Variants in MRPS27 observed in about 807,000 individuals in gnomAD.
MRPS27 encodes small ribosomal subunit protein mS27.
In MRPS27, 43 loss-of-function variants were observed where a neutral mutation model predicts 48.9. The ratio of observed to expected loss-of-function variants is 0.88; its 90% CI spans 0.69 to 1.13. MRPS27 has a LOEUF of 1.13. Among genes scored for constraint, MRPS27 ranks in the 50% most tolerant of loss-of-function variants. MRPS27 has a pLI of 0.00. For synonymous variants in MRPS27, 188 were observed against 171.9 expected (o/e 1.09, Z -0.73); for missense variants, 467 against 476.3 (o/e 0.98, Z 0.18).
At chr5:72,297,430 G>A (rs1352374229) in intron 3 of MRPS27, among the ~76,000 whole-genome samples, 1 of 152,116 alleles carries the variant, frequency 6.6e-6, no homozygotes, top group African/African-American at 2.4e-5. Context: ...TCAGAATCTG[G>A]TAAATGTATT....
chr5:72,281,349 T>A (rs1343777459), intron 4 of MRPS27, among the ~76,000 whole-genome samples: 1 of 152,210 alleles, frequency 6.6e-6, no homozygotes, highest in Non-Finnish European at 1.5e-5. Context: ...AGGAAATGGA[T>A]GGCACATTCG....
rs1332243055 is a variant in MRPS27, at chr5:72,223,807, T to G, written c.881A>C (p.Asp294Ala). The G allele has an allele frequency of 1.2e-6, 2 of 1,613,982 alleles. No individual in the cohort carries two copies. Among genetic ancestry groups the G allele is most frequent in the South Asian group, 2.2e-5 (2 of 91,080 alleles). ...GAVLKALTSA[D>A]GASEEQSQND... ...TTGGGACTGCTCCTCTGAAGCCCCA[T>G]CAGCTGAAGTCAGAGCCTTCAGCAC... The change falls in exon 10 of 11, where the codon GAT (aspartate) becomes GCT (alanine). Residue 294 changes from aspartate to alanine, a missense_variant. Coordinates refer to ENST00000261413, the MANE Select transcript of MRPS27 (RefSeq NM_015084.3).
rs138724650 is a variant in MRPS27, at chr5:72,240,795, A to G, written c.282-2667T>C. Among the ~76,000 whole-genome samples, 375 of 152,346 alleles carry G rather than the reference A, an allele frequency of 2.5e-3. 1 individual carries two copies. Among genetic ancestry groups the G allele is most frequent in the African/African-American group, 8.7e-3 (361 of 41,586 alleles). On this transcript the variant is annotated intron_variant, in intron 4 of 10. Coordinates refer to ENST00000261413, the MANE Select transcript of MRPS27 (RefSeq NM_015084.3). ...AAGAGCAAGAAAGTCTTTTCTTCTC[A>G]AAAACCCTTCCTTCACAGACTTTCT...
chr5:72,291,852 T>G (rs1749828087), intron 4 of MRPS27, among the ~76,000 whole-genome samples: 1 of 152,184 alleles, frequency 6.6e-6, no homozygotes, highest in African/African-American at 2.4e-5. Flanking sequence ...AGCCACGCCC[T>G]AGAGGGCCTA....
intron 4 of MRPS27, among the ~76,000 whole-genome samples, chr5:72,284,114 T>C (rs530590309): frequency 2.6e-4 from 39 of 152,206 alleles, no homozygotes; most frequent in African/African-American, 9.4e-4. Context: ...GAGGATCTTT[T>C]AAAAAATATT....
At chr5:72,228,567 C>T in intron 7 of MRPS27, 199 bp from the exon 8 acceptor site, 1 of 413,900 alleles carries the variant, frequency 2.4e-6, no homozygotes, top group Non-Finnish European at 4.2e-6. Flanking sequence ...AAGAAATACC[C>T]TATATGTTAA....
intron 9 of MRPS27, among the ~76,000 whole-genome samples, chr5:72,224,612 A>G (rs937549908): frequency 1.3e-5 from 2 of 152,210 alleles, no homozygotes; most frequent in Non-Finnish European, 2.9e-5. Flanking sequence ...CTCTGGATAC[A>G]GGCAAGGGTC....
At chr5:72,278,213 C>T (rs549380766) in intron 4 of MRPS27, among the ~76,000 whole-genome samples, 12 of 152,134 alleles carry the variant, frequency 7.9e-5, no homozygotes, top group East Asian at 7.8e-4. Context: ...GAGGCCGAGG[C>T]GGGCGGATCA....
Position 72,238,026 on chromosome 5 carries a change from G to A in MRPS27, c.384C>T (p.Thr128=), listed in dbSNP as rs11557158. 6 of 1,610,104 alleles carry A rather than the reference G, an allele frequency of 3.7e-6. No homozygotes were observed. In the South Asian group the frequency reaches 6.6e-5, roughly 18 times the overall value. The change falls in exon 5 of 11, where the codon ACC becomes ACT. Residue 128 remains threonine (T), a synonymous_variant. Transcript: ENST00000261413. Reference sequence around the variant, plus strand: ...CGGAACAACTCACCTTATTTACAAGGGTATATAGGGCTTTGTCTTGTGCAT... The same window carrying A: ...CGGAACAACTCACCTTATTTACAAGAGTATATAGGGCTTTGTCTTGTGCAT... ...KYDAQDKALY[T]LVNKVQYGIF... is the part of the protein sequence containing the mutation.
At chr5:72,238,799 T>C (rs1455021355) in intron 4 of MRPS27, among the ~76,000 whole-genome samples, 3 of 152,152 alleles carry the variant, frequency 2.0e-5, no homozygotes, top group African/African-American at 4.8e-5. Flanking sequence ...ATGAGTTATA[T>C]ACAGTAATAG....
intron 4 of MRPS27, among the ~76,000 whole-genome samples, chr5:72,250,286 G>A (rs1748631157): frequency 6.6e-6 from 1 of 152,150 alleles, no homozygotes; most frequent in Admixed American, 6.5e-5. Flanking sequence ...GAACAAGAAA[G>A]TTGGTGTCCA....
chr5:72,240,925 C>A (rs1201316863), intron 4 of MRPS27, among the ~76,000 whole-genome samples: 1 of 152,236 alleles, frequency 6.6e-6, no homozygotes, highest in Non-Finnish European at 1.5e-5. Context: ...TCAGAGAAGT[C>A]TTTAATAAGT....
chr5:72,262,715 G>A (rs995944400), intron 4 of MRPS27, among the ~76,000 whole-genome samples: 2 of 152,002 alleles, frequency 1.3e-5, no homozygotes, highest in Admixed American at 1.3e-4. Flanking sequence ...TGTATACTGT[G>A]AAACTTCTTC....
At chr5:72,231,868 T>C (rs1748072758) in intron 7 of MRPS27, among the ~76,000 whole-genome samples, 1 of 152,156 alleles carries the variant, frequency 6.6e-6, no homozygotes, top group African/African-American at 2.4e-5. Context: ...CCTAGGGTTG[T>C]TGTGAGAATT....
At chr5:72,278,442 CA>C (rs11296227) in intron 4 of MRPS27, among the ~76,000 whole-genome samples, 55,156 of 94,776 alleles carry the variant, frequency 0.58, 12,905 homozygotes, top group African/African-American at 0.7. Context: ...CTCTCCATCT[CA>C]AAAAAAAAAA....
intron 5 of MRPS27, among the ~76,000 whole-genome samples, chr5:72,236,795 G>A (rs981231659): frequency 6.6e-6 from 1 of 152,052 alleles, no homozygotes; most frequent in Non-Finnish European, 1.5e-5. Context: ...CCATCTCCAC[G>A]TGCAAGCATG....
intron 8 of MRPS27, among the ~76,000 whole-genome samples, chr5:72,226,468 T>C (rs998416346): frequency 6.6e-6 from 1 of 152,132 alleles, no homozygotes; most frequent in African/African-American, 2.4e-5. Context: ...GATGTATATA[T>C]AAACCACTGG....
At chr5:72,234,300 C>A in intron 5 of MRPS27, 103 bp from the exon 6 acceptor site, 1 of 995,004 alleles carries the variant, frequency 1.0e-6, no homozygotes, top group Non-Finnish European at 1.3e-6. Flanking sequence ...CCACCATTAG[C>A]TTTAAAATAT....
chr5:72,315,556 CG>C (rs1561367261), intron 1 of MRPS27, among the ~76,000 whole-genome samples: 1 of 122,596 alleles, frequency 8.2e-6, no homozygotes, highest in African/African-American at 3.1e-5. Context: ...GACTCTGTTT[CG>C]AAAAAAAAAA....
Sources: allele counts gnomAD v4.1 joint callset (sites outside exome capture counted in the v4.1 genomes callset), GRCh38; gene constraint gnomAD v4.1.1; transcripts MANE v1.5; gene names NCBI Gene and HGNC (gene_info 2026-07-23, HGNC 2026-07-21).